The following DLGAP2 variants were observed in gnomAD, a reference collection of about 807,000 sequenced individuals.
DLGAP2 encodes DLG associated protein 2.
In DLGAP2, 26 loss-of-function variants were observed where a neutral mutation model predicts 100.3. The ratio of observed to expected loss-of-function variants is 0.26; its 90% CI spans 0.19 to 0.36. DLGAP2 has a LOEUF of 0.36. Among genes scored for constraint, DLGAP2 ranks in the 10% least tolerant of loss-of-function variants. The probability of loss-of-function intolerance (pLI) is 1.00; values close to 1 mark genes in which losing one functional copy is unlikely to be tolerated. For synonymous variants in DLGAP2, 886 were observed against 630.1 expected, an observed-to-expected ratio of 1.41 and a Z score of -6.08; for missense variants, 1,858 against 1,453.2, an observed-to-expected ratio of 1.28 and a Z score of -4.53.
chr8:1,195,840 C>A (rs920238244), intron 2 of DLGAP2, among the ~76,000 whole-genome samples: 2 of 152,192 alleles, frequency 1.3e-5, no homozygotes, highest in Non-Finnish European at 2.9e-5. Context: ...GCGGTAGATA[C>A]GTTCTGCGAA....
intron 1 of DLGAP2, among the ~76,000 whole-genome samples, chr8:874,415 A>G (rs1032192983): frequency 6.6e-6 from 1 of 151,978 alleles, no homozygotes; most frequent in Non-Finnish European, 1.5e-5. Context: ...ATTTTCAGTA[A>G]CCTCAAAGTA....
At chr8:1,055,804 G>T (rs879258195) in intron 2 of DLGAP2, among the ~76,000 whole-genome samples, 1 of 152,228 alleles carries the variant, frequency 6.6e-6, no homozygotes, top group Non-Finnish European at 1.5e-5. Context: ...GCAGAGAGGG[G>T]CACCTGAGTC....
intron 1 of DLGAP2, among the ~76,000 whole-genome samples, chr8:775,868 A>G (rs1482070017): frequency 4.1e-5 from 6 of 146,948 alleles, no homozygotes; most frequent in Non-Finnish European, 9.1e-5. Context: ...GCCTCATAAA[A>G]TGAGTTAGGG....
At chr8:1,656,559 G>A (rs1323944689) in intron 8 of DLGAP2, among the ~76,000 whole-genome samples, 2 of 152,296 alleles carry the variant, frequency 1.3e-5, no homozygotes, top group Non-Finnish European at 2.9e-5. Flanking sequence ...TTCAGAAGGG[G>A]TTTGCAAATG....
intron 2 of DLGAP2, among the ~76,000 whole-genome samples, chr8:987,053 T>C (rs1800508137): frequency 6.6e-6 from 1 of 151,912 alleles, no homozygotes; most frequent in Non-Finnish European, 1.5e-5. Context: ...TGAAATCAGG[T>C]TCGAATTTGA....
At chr8:982,325 T>C (rs1303782700) in intron 2 of DLGAP2, among the ~76,000 whole-genome samples, 1 of 152,228 alleles carries the variant, frequency 6.6e-6, no homozygotes, top group Non-Finnish European at 1.5e-5. Context: ...CAGTTTTTAC[T>C]GTAATAATTT....
At chr8:1,348,576 T>C (rs1801625703) in intron 3 of DLGAP2, among the ~76,000 whole-genome samples, 1 of 150,912 alleles carries the variant, frequency 6.6e-6, no homozygotes, top group African/African-American at 2.4e-5. Context: ...TATGTGGAGG[T>C]TGAGTTCCCA....
At chr8:1,025,821 G>C (rs529285284) in intron 2 of DLGAP2, among the ~76,000 whole-genome samples, 158 of 152,326 alleles carry the variant, frequency 1.0e-3, no homozygotes, top group Non-Finnish European at 2.1e-3. Flanking sequence ...AGCCTTGGGA[G>C]TTTCCAGCTG....
chr8:822,770 G>C, intron 1 of DLGAP2, among the ~76,000 whole-genome samples: 1 of 152,166 alleles, frequency 6.6e-6, no homozygotes, highest in East Asian at 1.9e-4. Context: ...GGTGAGATGG[G>C]ACACAGCCTT....
intron 2 of DLGAP2, among the ~76,000 whole-genome samples, chr8:970,916 A>G (rs1037612160): frequency 1.3e-5 from 2 of 152,238 alleles, no homozygotes; most frequent in Non-Finnish European, 2.9e-5. Flanking sequence ...TAAAATTTCA[A>G]TGTTTAAGTA....
intron 2 of DLGAP2, among the ~76,000 whole-genome samples, chr8:1,067,587 C>T (rs1244452944): frequency 1.3e-5 from 2 of 150,666 alleles, no homozygotes; most frequent in Non-Finnish European, 2.9e-5. Context: ...AAAACCAAGA[C>T]TCAGGTGGTT....
chr8:1,669,487 C>A (rs2130840439), intron 9 of DLGAP2, among the ~76,000 whole-genome samples: 1 of 152,354 alleles, frequency 6.6e-6, no homozygotes, highest in East Asian at 1.9e-4. Context: ...GGCTGGCCGT[C>A]AAGCCCTCTG....
rs1348480754 is a variant in DLGAP2, at chr8:1,434,902, G to A, written c.107-66464G>A. 3.3e-5 allele frequency among the ~76,000 whole-genome samples: 5 copies of A among 151,982 alleles called. No homozygotes were observed. In the East Asian group the frequency reaches 9.7e-4, roughly 29 times the overall value. ...GGTATCATCATCCTTCTTATCACTG[G>A]GCTTTGATGCAGGAATGGGCGTGCC... is the stretch of plus-strand genomic sequence containing the variant. On this transcript the variant is annotated intron_variant, in intron 3 of 14. Transcript: ENST00000637795.
chr8:1,341,042 C>G (rs111276291), intron 3 of DLGAP2, among the ~76,000 whole-genome samples: 1 of 151,886 alleles, frequency 6.6e-6, no homozygotes, highest in African/African-American at 2.4e-5. Flanking sequence ...TGAGAACTCA[C>G]GGACACATAG....
At chr8:757,101 G>A (rs568598964) in intron 1 of DLGAP2, among the ~76,000 whole-genome samples, 31 of 152,182 alleles carry the variant, frequency 2.0e-4, no homozygotes, top group African/African-American at 5.3e-4. Context: ...TGGAATACTC[G>A]TCATCAACCC....
chr8:1,438,887 T>C (rs1164021329), intron 3 of DLGAP2, among the ~76,000 whole-genome samples: 1 of 152,258 alleles, frequency 6.6e-6, no homozygotes, highest in Non-Finnish European at 1.5e-5. Flanking sequence ...AATATTCACC[T>C]TCTCCTTCAT....
At chr8:1,290,638 C>A (rs1447580084) in intron 3 of DLGAP2, among the ~76,000 whole-genome samples, 1 of 152,216 alleles carries the variant, frequency 6.6e-6, no homozygotes, top group Non-Finnish European at 1.5e-5. Flanking sequence ...GCCTCCGTGG[C>A]AGGACGGTGG....
intron 6 of DLGAP2, among the ~76,000 whole-genome samples, chr8:1,579,738 G>A (rs1473284938): frequency 6.6e-6 from 1 of 152,178 alleles, no homozygotes; most frequent in African/African-American, 2.4e-5. Context: ...TTCCTGAGAA[G>A]CATGCAAAGA....
chr8:1,647,891 C>T (rs983835173), intron 8 of DLGAP2, among the ~76,000 whole-genome samples: 4 of 152,168 alleles, frequency 2.6e-5, no homozygotes, highest in Admixed American at 1.3e-4. Flanking sequence ...CTTTTCCCTG[C>T]GTCCTCACAT....
Sources: allele counts gnomAD v4.1 joint callset (sites outside exome capture counted in the v4.1 genomes callset), GRCh38; gene constraint gnomAD v4.1.1; transcripts MANE v1.5; gene names NCBI Gene and HGNC (gene_info 2026-07-23, HGNC 2026-07-21).